The following NCOR1 variants were observed in gnomAD, a reference collection of about 807,000 sequenced individuals.
NCOR1 encodes protein phosphatase 1, regulatory subunit 109.
In NCOR1, 63 loss-of-function variants were observed where a neutral mutation model predicts 288.1. The observed-to-expected ratio is 0.22, with a 90% confidence interval of 0.18 to 0.27. The LOEUF is 0.27. Among genes scored for constraint, NCOR1 ranks in the 10% least tolerant of loss-of-function variants. NCOR1 has a pLI of 1.00. For synonymous variants in NCOR1, 1,007 were observed against 1,065.9 expected (o/e 0.94, Z 1.08); for missense variants, 2,397 against 3,019.2 (o/e 0.79, Z 4.83).
rs1306567911 is a variant in NCOR1 at position 16,153,339 on chromosome 17, C to T, written c.789G>A (p.Leu263=). 2.5e-6 allele frequency: 4 copies of T among 1,579,194 alleles called. No individual in the cohort carries two copies. Among genetic ancestry groups the T allele is most frequent in the Non-Finnish European group, 3.4e-6 (4 of 1,162,546 alleles). ...ACTGGAAATGAAAAAATTTACTTAC[C>T]AGTTCAACTTTTGGGCCAAGACCTT... ...IFEGLGPKVE[L]PLYNQPSDTK... The change falls in exon 7 of 46, where the codon CTG becomes CTA. Residue 263 remains leucine (L), a splice_region_variant and synonymous_variant. Transcript: ENST00000268712.
chr17:16,210,807 G>A (rs1022139691), intron 1 of NCOR1, among the ~76,000 whole-genome samples: 7 of 150,980 alleles, frequency 4.6e-5, no homozygotes, highest in Non-Finnish European at 7.4e-5. Context: ...TCGGCTTACT[G>A]CAAGCTCCGC....
chr17:16,043,725 A>G (rs2058149426), intron 42 of NCOR1, among the ~76,000 whole-genome samples: 1 of 152,228 alleles, frequency 6.6e-6, no homozygotes, highest in South Asian at 2.1e-4. Context: ...CTGCTCTGAG[A>G]TCTCTAGCTC....
intron 3 of NCOR1, among the ~76,000 whole-genome samples, chr17:16,183,980 G>C (rs1400110864): frequency 6.6e-6 from 1 of 152,132 alleles, no homozygotes; most frequent in Admixed American, 6.6e-5. Context: ...CAACACAGTG[G>C]GGAAAGGGTA....
chr17:16,172,449 A>G (rs1259944234), intron 3 of NCOR1, among the ~76,000 whole-genome samples: 1 of 152,236 alleles, frequency 6.6e-6, no homozygotes, highest in Non-Finnish European at 1.5e-5. Context: ...GTTGCTGAAG[A>G]ATATCTATAA....
At chr17:16,164,355 G>T (rs1315996742) in intron 5 of NCOR1, among the ~76,000 whole-genome samples, 1 of 151,832 alleles carries the variant, frequency 6.6e-6, no homozygotes, top group East Asian at 1.9e-4. Context: ...ACACATATCT[G>T]ACAAGGGACT....
intron 4 of NCOR1, among the ~76,000 whole-genome samples, chr17:16,170,779 T>C (rs1367799750): frequency 6.7e-6 from 1 of 149,884 alleles, no homozygotes; most frequent in Non-Finnish European, 1.5e-5. Flanking sequence ...AGGCGGAGAT[T>C]GCAGTGAGCC....
chr17:16,108,477 T>C (rs1397126534), intron 19 of NCOR1, among the ~76,000 whole-genome samples: 1 of 152,056 alleles, frequency 6.6e-6, no homozygotes, highest in South Asian at 2.1e-4. Flanking sequence ...TAAAGAGAAA[T>C]GTAACCAACT....
chr17:16,163,491 AT>A (rs1349388590), intron 5 of NCOR1, among the ~76,000 whole-genome samples: 2 of 152,152 alleles, frequency 1.3e-5, no homozygotes, highest in Non-Finnish European at 2.9e-5. Context: ...GGATGGCTAT[AT>A]TTTTTTAAAA....
At chr17:16,133,905 G>A (rs2076019266) in intron 14 of NCOR1, among the ~76,000 whole-genome samples, 1 of 152,130 alleles carries the variant, frequency 6.6e-6, no homozygotes, top group South Asian at 2.1e-4. Context: ...ACCTTCAAAA[G>A]TACATCCAGA....
intron 3 of NCOR1, among the ~76,000 whole-genome samples, chr17:16,179,419 C>G (rs1281746116): frequency 6.6e-6 from 1 of 152,016 alleles, no homozygotes; most frequent in Non-Finnish European, 1.5e-5. Context: ...TTGAGTTAAG[C>G]AGAAGTAGAA....
intron 21 of NCOR1, among the ~76,000 whole-genome samples, chr17:16,094,714 G>A (rs1034711611): frequency 1.3e-5 from 2 of 152,166 alleles, no homozygotes; most frequent in African/African-American, 4.8e-5. Context: ...GCAGGCGCGC[G>A]CCGCCACGCC....
chr17:16,065,821 CTA>C, intron 32 of NCOR1, 127 bp from the exon 33 acceptor site: 1 of 772,820 alleles, frequency 1.3e-6, no homozygotes. Flanking sequence ...TTTTACTTAG[CTA>C]CAAGGATTAA....
chr17:16,072,313 G>A, intron 28 of NCOR1, 85 bp from the exon 29 acceptor site: 7 of 1,027,174 alleles, frequency 6.8e-6, no homozygotes, highest in Non-Finnish European at 1.0e-5. Flanking sequence ...TAAAGTCTAT[G>A]TTTTTGATAA....
chr17:16,104,522 G>A (rs2068225140), intron 19 of NCOR1, among the ~76,000 whole-genome samples: 1 of 152,194 alleles, frequency 6.6e-6, no homozygotes, highest in African/African-American at 2.4e-5. Context: ...TATAATCCCA[G>A]CACTTTGGGA....
In NCOR1 at chr17:16,149,524, G is replaced by C; in HGVS notation, c.843-7C>G. ...TTTCCTCATCACCTGGTTTCTAGAA[G>C]AGAAAAATATGGTTGCATGACATTA... On this transcript the variant is annotated splice_region_variant and splice_polypyrimidine_tract_variant and intron_variant, in intron 8 of 45. Coordinates refer to ENST00000268712, the MANE Select transcript of NCOR1 (RefSeq NM_006311.4). The C allele has an allele frequency of 7.0e-7, 1 of 1,431,876 alleles. No homozygotes were observed. The highest frequency in any genetic ancestry group is 9.6e-7 in the Non-Finnish European group (1 of 1,042,458). 88.7% of individuals were successfully genotyped at this position (1,431,876 alleles called of 1,614,324 possible).
intron 11 of NCOR1, among the ~76,000 whole-genome samples, chr17:16,141,744 C>G (rs1221650053): frequency 1.3e-5 from 2 of 152,042 alleles, no homozygotes; most frequent in Admixed American, 6.6e-5. Context: ...CATTGTATTC[C>G]CAATGCTTAA....
chr17:16,137,434 T>C, intron 13 of NCOR1, 22 bp from the exon 14 acceptor site: 2 of 1,299,774 alleles, frequency 1.5e-6, no homozygotes, highest in Non-Finnish European at 2.1e-6. Context: ...AAAACAATTA[T>C]TTTTGAGGAT....
At chr17:16,125,913 G>A (rs952337224) in intron 15 of NCOR1, among the ~76,000 whole-genome samples, 169 bp downstream of exon 15, 1 of 151,896 alleles carries the variant, frequency 6.6e-6, no homozygotes, top group East Asian at 1.9e-4. Context: ...GGGGGTGGGT[G>A]AGGTATAATG....
chr17:16,112,410 T>C (rs1392958017), intron 18 of NCOR1, among the ~76,000 whole-genome samples: 1 of 152,232 alleles, frequency 6.6e-6, no homozygotes, highest in Admixed American at 6.5e-5. Flanking sequence ...CAAATCTTAT[T>C]AGCTTTACTA....
Sources: gnomAD v4.1 joint callset for allele counts (sites outside exome capture counted in the v4.1 genomes callset) on GRCh38, gnomAD v4.1.1 for gene constraint, MANE v1.5 for transcripts, NCBI Gene and HGNC (gene_info 2026-07-23, HGNC 2026-07-21) for gene names.